NRCAM: variants seen among roughly 807,000 people sequenced by gnomAD.
NRCAM encodes the protein NgCAM-related cell adhesion molecule.
A neutral mutation model predicts 156.5 loss-of-function variants in NRCAM; 83 were observed. That is an observed-to-expected ratio of 0.53 (90% CI 0.44 to 0.64). The LOEUF (loss-of-function observed/expected upper bound fraction) is 0.64, where lower values mean the gene tolerates loss of function less well. NRCAM is among the 30% of genes least tolerant of loss of function. NRCAM has a pLI of 0.00. For synonymous variants in NRCAM, 538 were observed against 563.9 expected (o/e 0.95, Z 0.65); for missense variants, 1,417 against 1,597.3 (o/e 0.89, Z 1.92).
At chr7:108,392,400 C>G (rs529264452) in intron 2 of NRCAM, among the ~76,000 whole-genome samples, 1 of 152,168 alleles carries the variant, frequency 6.6e-6, no homozygotes, top group Non-Finnish European at 1.5e-5. Context: ...ACGTAGTTCT[C>G]GTGCCATGGT....
chr7:108,268,636 T>TGGG (rs1300340254), intron 3 of NRCAM, among the ~76,000 whole-genome samples: 92 of 8,438 alleles, frequency 0.011, 2 homozygotes, highest in Non-Finnish European at 0.012. Context: ...GGGGGGGGGT[T>TGGG]GGGGGGGGCG....
chr7:108,393,267 G>T (rs897788588), intron 2 of NRCAM, among the ~76,000 whole-genome samples: 5 of 152,104 alleles, frequency 3.3e-5, no homozygotes, highest in African/African-American at 9.7e-5. Context: ...CAGTAATGGT[G>T]GGCGCCCCTC....
chr7:108,333,225 AGTACTGAG>A (rs2099145028), intron 2 of NRCAM, among the ~76,000 whole-genome samples: 2 of 152,200 alleles, frequency 1.3e-5, no homozygotes, highest in South Asian at 4.1e-4. Flanking sequence ...AGTGTGTTCA[AGTACTGAG>A]GTAATTTTTC....
chr7:108,447,560 GC>G (rs78801590), intron 1 of NRCAM, among the ~76,000 whole-genome samples: 9,590 of 152,094 alleles, frequency 0.063, 298 homozygotes, highest in African/African-American at 0.068. Flanking sequence ...GTGAGCCACT[GC>G]GCCCGACCAA....
intron 2 of NRCAM, among the ~76,000 whole-genome samples, chr7:108,397,873 A>C (rs2099781461): frequency 6.6e-6 from 1 of 152,186 alleles, no homozygotes; most frequent in Admixed American, 6.5e-5. Context: ...GTCTCTAGGA[A>C]GAAAAATCCT....
intron 30 of NRCAM, 74 bp downstream of exon 30, chr7:108,166,847 C>G: frequency 1.4e-6 from 2 of 1,412,160 alleles, no homozygotes; most frequent in Non-Finnish European, 2.0e-6. Context: ...TCCACCAGCC[C>G]CCATCTCCAG....
chr7:108,229,438 T>C (rs998073978), intron 8 of NRCAM, among the ~76,000 whole-genome samples: 5 of 152,152 alleles, frequency 3.3e-5, no homozygotes, highest in Admixed American at 3.3e-4. Context: ...ATCCATCTTT[T>C]TGACACACAT....
intron 1 of NRCAM, among the ~76,000 whole-genome samples, chr7:108,449,427 C>T (rs1847897832): frequency 6.6e-6 from 1 of 152,204 alleles, no homozygotes; most frequent in South Asian, 2.1e-4. Context: ...GCAAAACAGG[C>T]CTCCTTTGTT....
At chr7:108,299,110 A>AAAAAAAAAAAAAGAAAGAAAG (rs1563163335) in intron 3 of NRCAM, among the ~76,000 whole-genome samples, 1 of 16,650 alleles carries the variant, frequency 6.0e-5, no homozygotes, top group Non-Finnish European at 1.7e-4. Flanking sequence ...CATCTCAAAA[A>AAAAAAAAAAAAAGAAAGAAAG]AAAAAAAGAA....
chr7:108,357,917 C>T (rs537961727), intron 2 of NRCAM, among the ~76,000 whole-genome samples: 1 of 150,498 alleles, frequency 6.6e-6, no homozygotes, highest in African/African-American at 2.4e-5. Context: ...CAAGGCCTCC[C>T]GCTTCACCTT....
intron 3 of NRCAM, among the ~76,000 whole-genome samples, chr7:108,305,839 G>T (rs1044333893): frequency 6.6e-6 from 1 of 152,118 alleles, no homozygotes; most frequent in Non-Finnish European, 1.5e-5. Context: ...ATAATTAAAA[G>T]TTATCTGAAA....
At chr7:108,291,883 G>GA (rs1432091007) in intron 3 of NRCAM, among the ~76,000 whole-genome samples, 2 of 152,176 alleles carry the variant, frequency 1.3e-5, no homozygotes, top group Non-Finnish European at 2.9e-5. Flanking sequence ...CAACCTGACA[G>GA]AAATCAGAAA....
rs750977934 is a variant in NRCAM, at chr7:108,159,559, G to A, written c.3599-18C>T. ...TTCTTTAACTAAAAAATGCCAAAATGGTATTATTATCTGTTGATCCTGTTC... is the reference window on the plus strand; with the variant it reads ...TTCTTTAACTAAAAAATGCCAAAATAGTATTATTATCTGTTGATCCTGTTC... On this transcript the variant is annotated intron_variant, in intron 31 of 32. Transcript: ENST00000379028. 10 of 1,586,540 alleles carry A rather than the reference G, an allele frequency of 6.3e-6. No individual in the cohort carries two copies. The South Asian group carries it at 1.0e-4, about 16-fold the overall frequency.
intron 3 of NRCAM, among the ~76,000 whole-genome samples, chr7:108,262,234 C>T (rs2096913252): frequency 6.6e-6 from 1 of 152,100 alleles, no homozygotes; most frequent in African/African-American, 2.4e-5. Flanking sequence ...ACCCTGGATT[C>T]ATGCTCCCAG....
intron 3 of NRCAM, among the ~76,000 whole-genome samples, chr7:108,281,820 A>AATAAT (rs1456433253): frequency 6.6e-6 from 1 of 152,250 alleles, no homozygotes; most frequent in African/African-American, 2.4e-5. Flanking sequence ...TTTGATGGGC[A>AATAAT]AACTGGATGT....
chr7:108,158,950 G>C (rs1381346965), intron 32 of NRCAM, among the ~76,000 whole-genome samples: 1 of 152,112 alleles, frequency 6.6e-6, no homozygotes, highest in Non-Finnish European at 1.5e-5. Flanking sequence ...AGAGGGCTAC[G>C]ACATTTCTTA....
At chr7:108,418,601 G>A (rs983550716) in intron 1 of NRCAM, among the ~76,000 whole-genome samples, 12 of 118,258 alleles carry the variant, frequency 1.0e-4, no homozygotes, top group South Asian at 3.1e-4. Flanking sequence ...ACACACACAC[G>A]CACTGAAAGT....
intron 2 of NRCAM, among the ~76,000 whole-genome samples, chr7:108,359,780 C>T (rs2099536060): frequency 6.6e-6 from 1 of 152,124 alleles, no homozygotes; most frequent in African/African-American, 2.4e-5. Context: ...TGAGCTGTGA[C>T]AAATGTCTGT....
rs761042000 is a variant in NRCAM, at chr7:108,184,509, T to C, written c.2141A>G (p.Tyr714Cys). 6.2e-7 allele frequency: 1 copy of C among 1,614,162 alleles called. No homozygotes were observed. The highest frequency in any genetic ancestry group is 2.2e-5 in the East Asian group (1 of 44,886). ...CATCACGCGGAAGGAGTAGTTCACG[T>C]AAGGAGACAGCTTCAGCTGGGCTGT... ...QTTAQLKLSPYVNYSFRVMAV... is the reference protein window; with the variant it reads ...QTTAQLKLSPCVNYSFRVMAV... The change falls in exon 21 of 33, where the codon TAC becomes TGC. Residue 714 changes from tyrosine (Y) to cysteine (C), a missense_variant. This residue lies in a region of NRCAM where 1,238 missense variants were observed against 1,336.4 expected (regional missense o/e 0.93). Transcript: ENST00000379028.
Sources: gnomAD v4.1 joint callset for allele counts (sites outside exome capture counted in the v4.1 genomes callset) on GRCh38, gnomAD v4.1.1 for gene constraint, gnomAD v4.1.1 regional missense constraint, MANE v1.5 for transcripts, NCBI Gene and HGNC (gene_info 2026-07-23, HGNC 2026-07-21) for gene names.